Variants in UNC13C observed in about 807,000 individuals in gnomAD.
UNC13C encodes protein unc-13 homolog C.
In UNC13C, 174 loss-of-function variants were observed where a neutral mutation model predicts 245.4. The observed-to-expected ratio is 0.71, with a 90% CI of 0.63 to 0.80. The LOEUF (loss-of-function observed/expected upper bound fraction) is 0.80. Ranked by LOEUF, UNC13C falls within the 30% of genes least tolerant of loss-of-function variation. The pLI is 0.00. For synonymous variants in UNC13C, 992 were observed against 895.1 expected, an observed-to-expected ratio of 1.11 and a Z score of -1.93; for missense variants, 2,829 against 2,602.9, an observed-to-expected ratio of 1.09 and a Z score of -1.89.
chr15:54,217,100 A>T (rs2035065556), intron 4 of UNC13C, among the ~76,000 whole-genome samples: 2 of 152,028 alleles, frequency 1.3e-5, no homozygotes, highest in Admixed American at 1.3e-4. Flanking sequence ...ATTAGTACTG[A>T]GGAGGAGCTT....
chr15:54,053,601 C>T (rs1301648403), intron 2 of UNC13C, among the ~76,000 whole-genome samples: 1 of 152,096 alleles, frequency 6.6e-6, no homozygotes, highest in Non-Finnish European at 1.5e-5. Context: ...ATGGGGTGTC[C>T]ATCACCTCAA....
chr15:54,450,778 C>T (rs1274682916), intron 19 of UNC13C, among the ~76,000 whole-genome samples: 6 of 152,162 alleles, frequency 3.9e-5, no homozygotes, highest in Non-Finnish European at 7.3e-5. Context: ...GCCCACTGTC[C>T]TGCCCCCACT....
intron 1 of UNC13C, among the ~76,000 whole-genome samples, chr15:54,003,972 C>T (rs1365725198): frequency 6.6e-6 from 1 of 152,154 alleles, no homozygotes; most frequent in Non-Finnish European, 1.5e-5. Flanking sequence ...GATCCTGCCA[C>T]AGCACTCCAG....
At chr15:53,913,695 A>G in the UNC13C span, 1 of 152,236 alleles carries the variant, frequency 6.6e-6, no homozygotes, top group Non-Finnish European at 1.5e-5. Flanking sequence ...CCTTAGCAGT[A>G]GAGTTACAGG....
intron 2 of UNC13C, among the ~76,000 whole-genome samples, chr15:54,119,644 A>T (rs1266929298): frequency 6.6e-6 from 1 of 152,124 alleles, no homozygotes; most frequent in African/African-American, 2.4e-5. Context: ...AGAAATGATT[A>T]AGCTTAGCGG....
At chr15:54,258,318 C>T (rs1425602855) in intron 8 of UNC13C, among the ~76,000 whole-genome samples, 2 of 152,058 alleles carry the variant, frequency 1.3e-5, no homozygotes, top group Non-Finnish European at 2.9e-5. Context: ...TTTCAGAGGT[C>T]AAGTGATTAT....
chr15:54,523,214 A>G (rs979557608), intron 24 of UNC13C, among the ~76,000 whole-genome samples: 3 of 152,200 alleles, frequency 2.0e-5, no homozygotes, highest in Non-Finnish European at 4.4e-5. Context: ...TTTGCTACCT[A>G]AAGAGATTGT....
chr15:54,626,120 AAAT>A (rs1901124891), intron 32 of UNC13C, among the ~76,000 whole-genome samples: 1 of 151,990 alleles, frequency 6.6e-6, no homozygotes, highest in African/African-American at 2.4e-5. Context: ...GAATGAACAA[AAAT>A]AAGGGGTGGA....
chr15:54,199,301 T>G (rs905916703), intron 4 of UNC13C, among the ~76,000 whole-genome samples: 1 of 152,116 alleles, frequency 6.6e-6, no homozygotes, highest in African/African-American at 2.4e-5. Flanking sequence ...TTCCCCAGCC[T>G]TGCTAGAGAG....
chr15:53,868,299 C>T, the UNC13C span, among the ~76,000 whole-genome samples: 1 of 152,186 alleles, frequency 6.6e-6, no homozygotes, highest in Non-Finnish European at 1.5e-5. Context: ...AATTGTATTA[C>T]ATTCTTGGAC....
At chr15:53,960,981 T>C in the UNC13C span, among the ~76,000 whole-genome samples, 1 of 152,214 alleles carries the variant, frequency 6.6e-6, no homozygotes, top group African/African-American at 2.4e-5. Flanking sequence ...TTGCTCTGTG[T>C]ATGTGTGTTT....
At chr15:53,915,236 T>C in the UNC13C span, among the ~76,000 whole-genome samples, 3 of 152,208 alleles carry the variant, frequency 2.0e-5, no homozygotes, top group Non-Finnish European at 4.4e-5. Context: ...AAAAAATATG[T>C]CCTATGTGTC....
At chr15:54,476,849 T>G (rs937199545) in intron 19 of UNC13C, among the ~76,000 whole-genome samples, 9 of 151,264 alleles carry the variant, frequency 5.9e-5, no homozygotes, top group Non-Finnish European at 1.2e-4. Flanking sequence ...GTGAAGAAAG[T>G]CATTGGTAGC....
chr15:53,970,893 C>T, the UNC13C span, among the ~76,000 whole-genome samples: 1 of 152,064 alleles, frequency 6.6e-6, no homozygotes, highest in African/African-American at 2.4e-5. Flanking sequence ...ATTGCTGGAT[C>T]GTATGTTTAT....
In UNC13C at chr15:54,013,009, C is replaced by T. The variant is rs201863524; in HGVS notation, c.106C>T (p.Arg36Cys). 202 of 1,613,792 alleles carry T rather than the reference C, an allele frequency of 1.3e-4. No homozygotes were observed. The East Asian group carries it at 3.5e-3, about 28-fold the overall frequency. ...LGNTNKNKEY[R>C]QQKKDQDFPT... ...AAATACAAACAAAAACAAAGAGTAT[C>T]GTCAGCAGAAAAAGGATCAAGACTT... is the stretch of plus-strand genomic sequence containing the variant. Residue 36 changes from arginine to cysteine, a missense_variant, in exon 2 of 33, where the codon CGT (arginine) becomes TGT (cysteine). Arg to Cys is a radical substitution (Grantham distance 180, BLOSUM62 -3). Transcript: ENST00000260323.
the UNC13C span, among the ~76,000 whole-genome samples, chr15:53,918,752 G>A: frequency 6.6e-6 from 1 of 152,188 alleles, no homozygotes; most frequent in Non-Finnish European, 1.5e-5. Flanking sequence ...TCTGAAGCCG[G>A]ATGCTTCTTC....
chr15:54,038,651 ATAAAT>A (rs1896690159), intron 2 of UNC13C, among the ~76,000 whole-genome samples: 1 of 152,230 alleles, frequency 6.6e-6, no homozygotes, highest in African/African-American at 2.4e-5. Context: ...ATTCTTTAAA[ATAAAT>A]TAAACTTATG....
At chr15:54,413,575 T>G (rs543919726) in intron 18 of UNC13C, among the ~76,000 whole-genome samples, 1 of 152,264 alleles carries the variant, frequency 6.6e-6, no homozygotes, top group African/African-American at 2.4e-5. Context: ...TTTAGAAAAG[T>G]TCTGAACTTA....
chr15:54,132,446 T>C (rs2031490310), intron 2 of UNC13C, among the ~76,000 whole-genome samples: 1 of 152,192 alleles, frequency 6.6e-6, no homozygotes, highest in African/African-American at 2.4e-5. Flanking sequence ...TAAATCAGCA[T>C]TAATCTCCCA....
Sources: allele counts gnomAD v4.1 joint callset (sites outside exome capture counted in the v4.1 genomes callset), GRCh38; gene constraint gnomAD v4.1.1; transcripts MANE v1.5; gene names NCBI Gene and HGNC (gene_info 2026-07-23, HGNC 2026-07-21).